Variants in CDH18 observed in about 807,000 individuals in gnomAD.
CDH18 encodes the protein cadherin-18.
In CDH18, 31 loss-of-function variants were observed where a neutral mutation model predicts 67.9. That is an observed-to-expected ratio of 0.46 (90% CI 0.34 to 0.62). The LOEUF (loss-of-function observed/expected upper bound fraction) is 0.62, where lower values mean the gene tolerates loss of function less well. CDH18 is among the 20% of genes least tolerant of loss of function. CDH18 has a pLI of 0.01. For missense variants in CDH18, 890 were observed against 975.5 expected (o/e 0.91, Z 1.17); for synonymous variants, 362 against 347.2 (o/e 1.04, Z -0.48).
At chr5:20,530,976 G>A (rs972745804) in intron 1 of CDH18, among the ~76,000 whole-genome samples, 1 of 152,020 alleles carries the variant, frequency 6.6e-6, no homozygotes, top group African/African-American at 2.4e-5. Context: ...TAAAATTTTT[G>A]CAATCTATCC....
At chr5:20,389,276 T>C (rs1744605593) in intron 1 of CDH18, among the ~76,000 whole-genome samples, 3 of 152,224 alleles carry the variant, frequency 2.0e-5, no homozygotes, top group Non-Finnish European at 4.4e-5. Context: ...TTAGCTCTTC[T>C]TGTTGAATTG....
At chr5:20,373,044 T>G (rs116145248) in intron 1 of CDH18, among the ~76,000 whole-genome samples, 1 of 152,148 alleles carries the variant, frequency 6.6e-6, no homozygotes, top group South Asian at 2.1e-4. Context: ...CATATTGTTA[T>G]TGTTGATATT....
At chr5:20,094,749 A>G (rs1231074130) in intron 2 of CDH18, among the ~76,000 whole-genome samples, 1 of 152,100 alleles carries the variant, frequency 6.6e-6, no homozygotes, top group Non-Finnish European at 1.5e-5. Context: ...CAGTGTGGAG[A>G]TTCCTCAAGG....
intron 3 of CDH18, among the ~76,000 whole-genome samples, chr5:19,784,484 C>T (rs571229053): frequency 2.6e-5 from 4 of 152,230 alleles, no homozygotes; most frequent in African/African-American, 9.6e-5. Context: ...CACAGGCATG[C>T]CACTTTTTTA....
intron 1 of CDH18, among the ~76,000 whole-genome samples, chr5:20,503,653 G>T (rs936167466): frequency 6.6e-6 from 1 of 152,204 alleles, no homozygotes; most frequent in South Asian, 2.1e-4. Flanking sequence ...CTTCTGAGAG[G>T]ACGTTATCAT....
At chr5:20,431,504 A>AAAGAAGAAGAAG (rs1553997937) in intron 1 of CDH18, among the ~76,000 whole-genome samples, 1 of 138,744 alleles carries the variant, frequency 7.2e-6, no homozygotes, top group Non-Finnish European at 1.5e-5. Context: ...AAAAAAAAAA[A>AAAGAAGAAGAAG]AAGAAGAAGA....
intron 5 of CDH18, among the ~76,000 whole-genome samples, chr5:19,639,645 A>G: frequency 6.6e-6 from 1 of 152,210 alleles, no homozygotes; most frequent in South Asian, 2.1e-4. Flanking sequence ...CCACTTCTTC[A>G]GAGAGCACAC....
intron 5 of CDH18, among the ~76,000 whole-genome samples, chr5:19,703,210 G>T (rs1763495429): frequency 6.6e-6 from 1 of 152,098 alleles, no homozygotes; most frequent in Non-Finnish European, 1.5e-5. Flanking sequence ...GCCTATACAT[G>T]GGGCTCAAAC....
At chr5:19,616,229 T>G (rs1321912403) in intron 5 of CDH18, among the ~76,000 whole-genome samples, 1 of 152,050 alleles carries the variant, frequency 6.6e-6, no homozygotes, top group Admixed American at 6.6e-5. Context: ...GCATAATAGC[T>G]GTCTTTTTTT....
At chr5:19,874,707 A>G (rs1053034924) in intron 2 of CDH18, among the ~76,000 whole-genome samples, 1 of 152,206 alleles carries the variant, frequency 6.6e-6, no homozygotes, top group South Asian at 2.1e-4. Context: ...TTTTATTTTT[A>G]TGTGTTTGCT....
At chr5:19,855,414 G>A (rs993314218) in intron 2 of CDH18, among the ~76,000 whole-genome samples, 2 of 151,912 alleles carry the variant, frequency 1.3e-5, no homozygotes, top group African/African-American at 4.8e-5. Flanking sequence ...TAGTATCTTT[G>A]ATTTGGGGGT....
chr5:20,559,031 C>T (rs1253643908), intron 1 of CDH18, among the ~76,000 whole-genome samples: 1 of 150,398 alleles, frequency 6.6e-6, no homozygotes, highest in African/African-American at 2.4e-5. Flanking sequence ...AAGCCAAAAC[C>T]ATTGCTTACC....
chr5:19,715,607 T>G (rs1369786544), intron 5 of CDH18, among the ~76,000 whole-genome samples: 2 of 152,154 alleles, frequency 1.3e-5, no homozygotes, highest in East Asian at 3.9e-4. Flanking sequence ...TTTATCATGT[T>G]TGTAAAAGAT....
chr5:19,781,358 C>CA (rs569621512), intron 3 of CDH18, among the ~76,000 whole-genome samples: 17 of 148,988 alleles, frequency 1.1e-4, no homozygotes, highest in Non-Finnish European at 1.8e-4. Context: ...CATGTAAGTA[C>CA]AAAAAAAAAT....
At chr5:20,312,026 G>C (rs1047758657) in intron 1 of CDH18, among the ~76,000 whole-genome samples, 2 of 152,086 alleles carry the variant, frequency 1.3e-5, no homozygotes, top group South Asian at 4.2e-4. Flanking sequence ...TTGCATGGTG[G>C]GTACAATTAG....
At chr5:20,138,528 C>G (rs1181206411) in intron 2 of CDH18, among the ~76,000 whole-genome samples, 2 of 152,014 alleles carry the variant, frequency 1.3e-5, no homozygotes, top group African/African-American at 2.4e-5. Context: ...TCAAATCTTC[C>G]CTGTTTGCAG....
At chr5:19,573,943 T>G (rs975707189) in intron 7 of CDH18, among the ~76,000 whole-genome samples, 1 of 152,198 alleles carries the variant, frequency 6.6e-6, no homozygotes, top group East Asian at 1.9e-4. Context: ...ATATGGGTAT[T>G]TAAGACCTTA....
chr5:20,355,331 T>G (rs1308412202), intron 1 of CDH18, among the ~76,000 whole-genome samples: 1 of 152,252 alleles, frequency 6.6e-6, no homozygotes, highest in African/African-American at 2.4e-5. Flanking sequence ...CATTTTGTTT[T>G]GTCTCTGAAC....
intron 1 of CDH18, among the ~76,000 whole-genome samples, chr5:19,983,785 A>C (rs1799295882): frequency 6.6e-6 from 1 of 152,192 alleles, no homozygotes; most frequent in Non-Finnish European, 1.5e-5. Flanking sequence ...AGAAGTCAAA[A>C]CACTACCAGC....
Sources: gnomAD v4.1 joint callset for allele counts (sites outside exome capture counted in the v4.1 genomes callset) on GRCh38, gnomAD v4.1.1 for gene constraint, MANE v1.5 for transcripts, NCBI Gene and HGNC (gene_info 2026-07-23, HGNC 2026-07-21) for gene names.